Variants in VCAN observed in about 807,000 individuals in gnomAD.
VCAN encodes the protein versican core protein.
In VCAN, 44 loss-of-function variants were observed where a neutral mutation model predicts 245.5. That is an observed-to-expected ratio of 0.18 (90% confidence interval 0.14 to 0.23). VCAN has a LOEUF of 0.23. Ranked by LOEUF, VCAN falls within the 10% of genes least tolerant of loss-of-function variation. The pLI is 1.00. For synonymous variants in VCAN, 1,413 were observed against 1,437.0 expected (o/e 0.98, Z 0.38); for missense variants, 3,793 against 4,057.9 (o/e 0.93, Z 1.77).
chr5:83,503,758 A>G (rs1351010179), intron 5 of VCAN, among the ~76,000 whole-genome samples: 4 of 152,204 alleles, frequency 2.6e-5, no homozygotes, highest in Non-Finnish European at 5.9e-5. Context: ...CAGTCAGGAA[A>G]GAATTGTGTA....
intron 6 of VCAN, among the ~76,000 whole-genome samples, chr5:83,517,502 T>C (rs6869892): frequency 0.17 from 26,039 of 152,084 alleles, 2,717 homozygotes; most frequent in African/African-American, 0.28. Context: ...CTTTTTACTA[T>C]TTCCCCAAAG....
At chr5:83,542,387 C>T in intron 8 of VCAN, 119 bp downstream of exon 8, 1 of 1,096,712 alleles carries the variant, frequency 9.1e-7, no homozygotes, top group Non-Finnish European at 1.3e-6. Context: ...TCATATTATT[C>T]ACATAACAGC....
At chr5:83,530,806 T>A (rs1468627406) in intron 7 of VCAN, among the ~76,000 whole-genome samples, 3 of 151,916 alleles carry the variant, frequency 2.0e-5, no homozygotes, top group African/African-American at 7.3e-5. Flanking sequence ...TCTATAGAAG[T>A]ATTTGAACTT....
rs747887033 is a variant in VCAN, at chr5:83,537,295, G to A, written c.4292G>A (p.Arg1431His). 2.2e-5 allele frequency: 36 copies of A among 1,613,964 alleles called. No homozygotes were observed. The highest frequency in any genetic ancestry group is 5.5e-5 in the South Asian group (5 of 91,084). Reference sequence around the variant, plus strand: ...GACCCAGAAGCTGCAGAAGCTAGGCGTGGCCAGTTTGAAAGTGTTGCACCT... The same window carrying A: ...GACCCAGAAGCTGCAGAAGCTAGGCATGGCCAGTTTGAAAGTGTTGCACCT... ...PKDPEAAEAR[R>H]GQFESVAPSQ... The change falls in exon 8 of 15, where the codon CGT becomes CAT. Residue 1431 changes from arginine to histidine, a missense_variant. Coordinates refer to ENST00000265077, the MANE Select transcript of VCAN (RefSeq NM_004385.5).
At position 83,474,352 on chromosome 5, in the gene VCAN, G is replaced by A. The variant is rs577758327; in HGVS notation, c.-7+2329G>A. Among the ~76,000 whole-genome samples the A allele has an allele frequency of 4.6e-5, 7 of 152,296 alleles. No individual in the cohort carries two copies. In the South Asian group the frequency reaches 1.2e-3, roughly 27 times the overall value. The stretch of plus-strand genomic sequence containing the variant: ...GAACGGACCGGAAGGGTTCGTTTCG[G>A]GGTTTGGGTCTGAATTTCGAGACTC... On this transcript the variant is annotated intron_variant, in intron 1 of 14. Coordinates refer to ENST00000265077, the MANE Select transcript of VCAN (RefSeq NM_004385.5).
intron 2 of VCAN, among the ~76,000 whole-genome samples, chr5:83,488,604 G>A (rs1163046812): frequency 6.6e-6 from 1 of 152,136 alleles, no homozygotes; most frequent in Non-Finnish European, 1.5e-5. Context: ...TTATTCCCTT[G>A]CAATTTTATT....
chr5:83,552,440 A>G (rs1184659168), intron 10 of VCAN, among the ~76,000 whole-genome samples: 1 of 152,136 alleles, frequency 6.6e-6, no homozygotes, highest in African/African-American at 2.4e-5. Flanking sequence ...GTGAAAGTCA[A>G]CCCCACCTGT....
In VCAN at chr5:83,541,162, T is replaced by A. The variant is rs1444157961; in HGVS notation, c.8159T>A (p.Phe2720Tyr). The change falls in exon 8 of 15, where the codon TTT (phenylalanine) becomes TAT (tyrosine). Residue 2720 changes from phenylalanine (F) to tyrosine (Y), a missense_variant. Coordinates refer to ENST00000265077, the MANE Select transcript of VCAN (RefSeq NM_004385.5). Reference protein sequence around the residue: ...KAEAKALDDMFESSTLSDGQA... With the variant: ...KAEAKALDDMYESSTLSDGQA... ...GAAGCAAAAGCCCTGGATGACATGT[T>A]TGAATCAAGCACTTTGTCTGATGGT... 1 of 1,614,064 alleles carries A rather than the reference T, an allele frequency of 6.2e-7. No homozygotes were observed.
chr5:83,521,252 C>G lies in VCAN; in HGVS notation c.2946C>G (p.Asp982Glu). The G allele has an allele frequency of 6.2e-7, 1 of 1,614,100 alleles. No homozygotes were observed. ...CTCTTTCTGTAATTCCCAAGACAGA[C>G]TGGGGAGTGTTAGTACCTTCTGTTC... ...TIPLSVIPKT[D>E]WGVLVPSVPS... Residue 982 changes from aspartate (D) to glutamate (E), a missense_variant, in exon 7 of 15, where the codon GAC (aspartate) becomes GAG (glutamate). By Grantham distance (45) the Asp-to-Glu change is conservative. Coordinates refer to ENST00000265077, the MANE Select transcript of VCAN (RefSeq NM_004385.5).
At position 83,541,513 on chromosome 5, in the gene VCAN, C is replaced by A. The variant is rs1300383009; in HGVS notation, c.8510C>A (p.Ala2837Asp). 2 of 1,613,980 alleles carry A rather than the reference C, an allele frequency of 1.2e-6. No homozygotes were observed. The highest frequency in any genetic ancestry group is 1.7e-6 in the Non-Finnish European group (2 of 1,179,986). Residue 2837 changes from alanine (A) to aspartate (D), a missense_variant, in exon 8 of 15, where the codon GCC becomes GAC. This residue lies in a region of VCAN where 3,182 missense variants were observed against 3,250.3 expected (regional missense o/e 0.98). Transcript: ENST00000265077. ...CTCACTATCTACTCAGGCAGTGAAG[C>A]CTCTGGACACACAGAGATCCCCCAG... is the stretch of plus-strand genomic sequence containing the variant. ...SPLTIYSGSE[A>D]SGHTEIPQPS... is the part of the protein sequence containing the mutation.
intron 5 of VCAN, among the ~76,000 whole-genome samples, chr5:83,502,081 G>T (rs1172452334): frequency 6.6e-6 from 1 of 151,716 alleles, no homozygotes; most frequent in African/African-American, 2.4e-5. Flanking sequence ...TAATTTTTTT[G>T]ATTGTTTATT....
chr5:83,549,473 G>A lies in VCAN; in HGVS notation c.9493+1389G>A, dbSNP rs553866687. 3.1e-4 allele frequency among the ~76,000 whole-genome samples: 47 copies of A among 152,246 alleles called. No individual in the cohort carries two copies. The East Asian group carries it at 4.4e-3, about 14-fold the overall frequency. ...TTTAATGTCACACAGCTAGTAAATCGTACAATGGGAAAAGTGAACCTAAAT... is the reference window on the plus strand; with the variant it reads ...TTTAATGTCACACAGCTAGTAAATCATACAATGGGAAAAGTGAACCTAAAT... On this transcript the variant is annotated intron_variant, in intron 10 of 14. Transcript: ENST00000265077.
At chr5:83,574,679 A>G (rs966200820) in intron 13 of VCAN, among the ~76,000 whole-genome samples, 1 of 152,136 alleles carries the variant, frequency 6.6e-6, no homozygotes, top group African/African-American at 2.4e-5. Context: ...GGTTTTTGCC[A>G]ACTGCCTGGT....
intron 7 of VCAN, among the ~76,000 whole-genome samples, chr5:83,527,436 A>G (rs1580635353): frequency 6.6e-6 from 1 of 152,184 alleles, no homozygotes; most frequent in Non-Finnish European, 1.5e-5. Context: ...GGCTTCCCCC[A>G]TCTCTCACGG....
chr5:83,524,536 GTACCTACCTACCTACC>G (rs58462835), intron 7 of VCAN, among the ~76,000 whole-genome samples: 39,733 of 147,268 alleles, frequency 0.27, 5,852 homozygotes, highest in East Asian at 0.51. Context: ...ACCTACCTGC[GTACCTACCTACCTACC>G]TACCTACCTA....
chr5:83,490,411 C>T lies in VCAN; in HGVS notation c.384C>T (p.Tyr128=). ...TGCTGGCAAGTGATGCGGGTCTTTA[C>T]CGCTGTGACGTCATGTACGGGATTG... ...VKLLASDAGL[Y]RCDVMYGIED... is the part of the protein sequence containing the mutation. Residue 128 remains tyrosine, a synonymous_variant, in exon 3 of 15, where the codon TAC becomes TAT. Transcript: ENST00000265077. 1 of 1,614,208 alleles carries T rather than the reference C, an allele frequency of 6.2e-7. No homozygotes were observed. Among genetic ancestry groups the T allele is most frequent in the Non-Finnish European group, 8.5e-7 (1 of 1,180,044 alleles).
chr5:83,553,609 CT>C, intron 11 of VCAN, 87 bp downstream of exon 11: 2 of 1,547,766 alleles, frequency 1.3e-6, no homozygotes, highest in Non-Finnish European at 1.8e-6. Flanking sequence ...AAAGAAGTAG[CT>C]TTTTCAATCA....
chr5:83,522,041 C>T lies in VCAN; in HGVS notation c.3735C>T (p.Thr1245=), dbSNP rs752218368. ...ACAGGGAACCTGGTGAAGAAACAAC[C>T]AGTGACATGGTAATCATTGGAGAAT... ...LIDREPGEET[T]SDMVIIGEST... Residue 1245 remains threonine, a synonymous_variant, in exon 7 of 15, where the codon ACC becomes ACT. Coordinates refer to ENST00000265077, the MANE Select transcript of VCAN (RefSeq NM_004385.5). The T allele has an allele frequency of 6.2e-7, 1 of 1,614,166 alleles. No individual in the cohort carries two copies. Among genetic ancestry groups the T allele is most frequent in the Non-Finnish European group, 8.5e-7 (1 of 1,180,014 alleles).
In VCAN at chr5:83,538,943, C is replaced by T; in HGVS notation, c.5940C>T (p.Ile1980=). 6.2e-7 allele frequency: 1 copy of T among 1,614,030 alleles called. No homozygotes were observed. The highest frequency in any genetic ancestry group is 8.5e-7 in the Non-Finnish European group (1 of 1,179,964). Reference sequence around the variant, plus strand: ...CTACAGTACCTACTTCAGTTCACATCAGTCACATATCTGACTCAGAAGGAC... The same window carrying T: ...CTACAGTACCTACTTCAGTTCACATTAGTCACATATCTGACTCAGAAGGAC... ...SPSTVPTSVH[I]SHISDSEGPS... is the part of the protein sequence containing the mutation. The change falls in exon 8 of 15, where the codon ATC becomes ATT. Residue 1980 remains isoleucine (I), a synonymous_variant. Coordinates refer to ENST00000265077, the MANE Select transcript of VCAN (RefSeq NM_004385.5).
Sources: gnomAD v4.1 joint callset for allele counts (sites outside exome capture counted in the v4.1 genomes callset) on GRCh38, gnomAD v4.1.1 for gene constraint, gnomAD v4.1.1 regional missense constraint, MANE v1.5 for transcripts, NCBI Gene and HGNC (gene_info 2026-07-23, HGNC 2026-07-21) for gene names.